RYR2: variants seen among roughly 807,000 people sequenced by gnomAD.
RYR2 encodes the protein cardiac muscle ryanodine receptor-calcium release channel.
A neutral mutation model predicts 601.1 loss-of-function variants in RYR2; 227 were observed. That is an observed-to-expected ratio of 0.38 (90% CI 0.34 to 0.42). The LOEUF is 0.42. Among genes scored for constraint, RYR2 ranks in the 10% least tolerant of loss-of-function variants. The probability of loss-of-function intolerance (pLI) is 1.00; values close to 1 mark genes in which losing one functional copy is unlikely to be tolerated. For synonymous variants in RYR2, 2,223 were observed against 2,175.1 expected (o/e 1.02, Z -0.61); for missense variants, 4,646 against 6,156.5 (o/e 0.75, Z 8.21).
At chr1:237,764,263 A>G (rs751910462) in intron 84 of RYR2, among the ~76,000 whole-genome samples, 17 of 152,192 alleles carry the variant, frequency 1.1e-4, no homozygotes, top group Admixed American at 8.5e-4. Flanking sequence ...CACACAGCTA[A>G]GCGGCAAGGC....
At position 237,611,000 on chromosome 1, in the gene RYR2, T is replaced by C. The variant is rs1347582154; in HGVS notation, c.4910+12T>C. ...CCTGAGGAAAACAGGTCAGCCCCAG[T>C]GAATCCCTGACATTCTGATTGGGAC... On this transcript the variant is annotated intron_variant, in intron 36 of 104. Coordinates refer to ENST00000366574, the MANE Select transcript of RYR2 (RefSeq NM_001035.3). The surrounding 1 kb of genome is among the most constrained non-coding windows in gnomAD (Gnocchi z 4.9). The C allele has an allele frequency of 1.2e-6, 2 of 1,603,570 alleles. No individual in the cohort carries two copies. Among genetic ancestry groups the C allele is most frequent in the African/African-American group, 2.7e-5 (2 of 74,822 alleles).
intron 87 of RYR2, 65 bp downstream of exon 87, chr1:237,773,713 G>C (rs1694438713): frequency 7.2e-7 from 1 of 1,384,544 alleles, no homozygotes; most frequent in Non-Finnish European, 9.9e-7. Context: ...AGTATATCTA[G>C]AGTAGTTTCC....
At chr1:237,650,807 A>G (rs1401297162) in intron 50 of RYR2, among the ~76,000 whole-genome samples, 1 of 152,206 alleles carries the variant, frequency 6.6e-6, no homozygotes, top group Non-Finnish European at 1.5e-5. Flanking sequence ...ACCAGATGGC[A>G]CTGAGGGAAG....
At chr1:237,054,515 A>T (rs1661730316) in intron 1 of RYR2, among the ~76,000 whole-genome samples, 1 of 152,076 alleles carries the variant, frequency 6.6e-6, no homozygotes, top group Non-Finnish European at 1.5e-5. Context: ...TGAACTGTTG[A>T]TTCTTGATTA....
chr1:237,633,457 C>A, intron 42 of RYR2, 121 bp from the exon 43 acceptor site: 1 of 1,149,338 alleles, frequency 8.7e-7, no homozygotes, highest in Non-Finnish European at 1.2e-6. Context: ...TCTTTGGTAT[C>A]TGAAGTTTGG....
At position 237,611,892 on chromosome 1, in the gene RYR2, G is replaced by A. The variant is rs75561822; in HGVS notation, c.4910+904G>A. On this transcript the variant is annotated intron_variant, in intron 36 of 104. Coordinates refer to ENST00000366574, the MANE Select transcript of RYR2 (RefSeq NM_001035.3). ...GTTCCTCAAAAAATAAAATTATAGC[G>A]TTAACATGTGATCTAGCAATTCTAC... 3.2e-3 allele frequency among the ~76,000 whole-genome samples: 492 copies of A among 152,054 alleles called. 7 individuals carry two copies. Among genetic ancestry groups the A allele is most frequent in the Admixed American group, 0.028 (420 of 15,270 alleles).
At chr1:237,096,437 C>A (rs140096149) in intron 1 of RYR2, among the ~76,000 whole-genome samples, 2 of 152,268 alleles carry the variant, frequency 1.3e-5, no homozygotes, top group African/African-American at 2.4e-5. Context: ...AGAATGGTTT[C>A]TTTACAGCAA....
At chr1:237,627,708 G>A in intron 40 of RYR2, 99 bp from the exon 41 acceptor site, 1 of 1,262,974 alleles carries the variant, frequency 7.9e-7, no homozygotes, top group Non-Finnish European at 1.1e-6. Context: ...GGTACAAATA[G>A]AAATACCAAT....
intron 2 of RYR2, among the ~76,000 whole-genome samples, chr1:237,276,518 A>G (rs1476088992): frequency 6.6e-6 from 1 of 152,234 alleles, no homozygotes; most frequent in African/African-American, 2.4e-5. Flanking sequence ...TAAAGATAAG[A>G]AAGAAATTGC....
Position 237,528,182 on chromosome 1 carries a change from A to G in RYR2, c.2823-2245A>G, listed in dbSNP as rs564996384. On this transcript the variant is annotated intron_variant, in intron 24 of 104. Coordinates refer to ENST00000366574, the MANE Select transcript of RYR2 (RefSeq NM_001035.3). ...TGAAAAGGTGAATATTCTCAACTTA[A>G]TAAGGGAAGAAAAATACTGTATACT... Among the ~76,000 whole-genome samples the G allele has an allele frequency of 5.9e-5, 9 of 152,352 alleles. No individual in the cohort carries two copies. In the South Asian group the frequency reaches 1.7e-3, roughly 28 times the overall value.
Position 237,787,365 on chromosome 1 carries a change from G to A in RYR2, c.13329-623G>A, listed in dbSNP as rs576766170. On this transcript the variant is annotated intron_variant, in intron 91 of 104. Coordinates refer to ENST00000366574, the MANE Select transcript of RYR2 (RefSeq NM_001035.3). ...AGCACTTTGGGAGGCCGAGGCGGGC[G>A]GATCATAAGGTCAGGAGTTCAAGAC... Among the ~76,000 whole-genome samples the A allele has an allele frequency of 3.4e-4, 52 of 151,878 alleles. 1 individual carries two copies. In the East Asian group the frequency reaches 6.2e-3, roughly 18 times the overall value.
At chr1:237,780,600 C>T (rs150194935) in intron 88 of RYR2, among the ~76,000 whole-genome samples, 1,624 of 152,142 alleles carry the variant, frequency 0.011, 18 homozygotes, top group Middle Eastern at 0.02. Flanking sequence ...TATAGCTAAG[C>T]GTAGTGATGT....
Position 237,771,513 on chromosome 1 carries a change from C to T in RYR2, c.11558-499C>T, listed in dbSNP as rs1035793790. ...TTGCACCACTTCTCTTTACCTTGAG[C>T]GTATACATACTTCATTGTACTAGTT... On this transcript the variant is annotated intron_variant, in intron 85 of 104. Transcript: ENST00000366574. 4.6e-5 allele frequency among the ~76,000 whole-genome samples: 7 copies of T among 152,060 alleles called. No homozygotes were observed. In the South Asian group the frequency reaches 6.3e-4, roughly 14 times the overall value.
chr1:237,641,515 T>C (rs1191762075), intron 47 of RYR2, among the ~76,000 whole-genome samples: 1 of 140,446 alleles, frequency 7.1e-6, no homozygotes, highest in African/African-American at 2.5e-5. Flanking sequence ...CTTTCTTTCT[T>C]TCTTTCTTTC....
intron 24 of RYR2, among the ~76,000 whole-genome samples, chr1:237,524,687 G>T (rs1173084132): frequency 2.7e-5 from 4 of 150,580 alleles, no homozygotes; most frequent in Non-Finnish European, 4.4e-5. Flanking sequence ...GAACCAACAG[G>T]GTGTATGTAT....
chr1:237,799,084 T>C (rs1259450849), intron 97 of RYR2, among the ~76,000 whole-genome samples: 1 of 152,214 alleles, frequency 6.6e-6, no homozygotes, highest in Non-Finnish European at 1.5e-5. Context: ...ATATTGTTTT[T>C]ATCTATCTGA....
At chr1:237,326,945 C>G (rs1417282460) in intron 2 of RYR2, among the ~76,000 whole-genome samples, 1 of 152,172 alleles carries the variant, frequency 6.6e-6, no homozygotes. Context: ...AAAGGCCTGA[C>G]ATGCTACCAT....
At chr1:237,760,871 T>C (rs79507131) in intron 83 of RYR2, 84 bp from the exon 84 acceptor site, 1 of 805,682 alleles carries the variant, frequency 1.2e-6, no homozygotes, top group Non-Finnish European at 2.1e-6. Flanking sequence ...TTCCAAGATA[T>C]ATGGTGTTTA....
chr1:237,563,960 C>A (rs1671714619), intron 27 of RYR2, among the ~76,000 whole-genome samples: 1 of 151,906 alleles, frequency 6.6e-6, no homozygotes, highest in South Asian at 2.1e-4. Context: ...TATACTAATT[C>A]TATATTTAGA....
Sources: allele counts gnomAD v4.1 joint callset (sites outside exome capture counted in the v4.1 genomes callset), GRCh38; gene constraint gnomAD v4.1.1; non-coding constraint Gnocchi (gnomAD v3.1); transcripts MANE v1.5; gene names NCBI Gene and HGNC (gene_info 2026-07-23, HGNC 2026-07-21).